ATXN1: variants seen among roughly 807,000 people sequenced by gnomAD.
ATXN1 encodes the protein ataxin-1.
Under a neutral mutation model 56.4 loss-of-function variants are expected in ATXN1, and 8 were observed. The ratio of observed to expected loss-of-function variants is 0.14; its 90% CI spans 0.08 to 0.26. ATXN1 has a LOEUF of 0.26. Among genes scored for constraint, ATXN1 ranks in the 10% least tolerant of loss-of-function variants. The pLI is 1.00. For synonymous variants in ATXN1, 514 were observed against 494.6 expected, an observed-to-expected ratio of 1.04 and a Z score of -0.52; for missense variants, 987 against 1,106.5, an observed-to-expected ratio of 0.89 and a Z score of 1.53.
intron 6 of ATXN1, among the ~76,000 whole-genome samples, chr6:16,475,116 T>A (rs1760300984): frequency 6.6e-6 from 1 of 152,228 alleles, no homozygotes; most frequent in Non-Finnish European, 1.5e-5. Flanking sequence ...CCAAACTCAC[T>A]GTGCCTTTCA....
intron 2 of ATXN1, among the ~76,000 whole-genome samples, chr6:16,740,213 T>C (rs1315313544): frequency 6.6e-6 from 1 of 152,254 alleles, no homozygotes; most frequent in African/African-American, 2.4e-5. Context: ...TTATTGCTTC[T>C]GGCACCAAGA....
chr6:16,463,182 C>T (rs184945222), intron 6 of ATXN1, among the ~76,000 whole-genome samples: 2 of 152,312 alleles, frequency 1.3e-5, no homozygotes, highest in Non-Finnish European at 2.9e-5. Context: ...ATGAAAACAA[C>T]AAACTCACAC....
intron 3 of ATXN1, among the ~76,000 whole-genome samples, chr6:16,598,467 C>T (rs1480039810): frequency 6.6e-6 from 1 of 152,128 alleles, no homozygotes; most frequent in African/African-American, 2.4e-5. Flanking sequence ...TACCACTTTC[C>T]AGCTCTGTCA....
At chr6:16,538,676 T>G (rs1034000879) in intron 4 of ATXN1, among the ~76,000 whole-genome samples, 1 of 146,176 alleles carries the variant, frequency 6.8e-6, no homozygotes, top group Non-Finnish European at 1.5e-5. Context: ...AGTGAGAACA[T>G]GGGGTGTTTG....
At chr6:16,382,731 G>T (rs1279772629) in intron 6 of ATXN1, among the ~76,000 whole-genome samples, 2 of 152,036 alleles carry the variant, frequency 1.3e-5, no homozygotes, top group Non-Finnish European at 2.9e-5. Flanking sequence ...TAGAGCAGGG[G>T]TGTCCAATCT....
chr6:16,339,217 C>A (rs1761189701), intron 6 of ATXN1, among the ~76,000 whole-genome samples: 1 of 152,120 alleles, frequency 6.6e-6, no homozygotes, highest in Non-Finnish European at 1.5e-5. Context: ...CTGGATCCTG[C>A]CAGCCACCAG....
chr6:16,440,039 C>A (rs1173969634), intron 6 of ATXN1, among the ~76,000 whole-genome samples: 2 of 147,036 alleles, frequency 1.4e-5, no homozygotes, highest in Non-Finnish European at 3.0e-5. Flanking sequence ...GGTGCCATTG[C>A]ACTCCAGCCT....
chr6:16,689,521 C>CTTTTTTTTTTTTTTTT (rs11374047), intron 2 of ATXN1, among the ~76,000 whole-genome samples: 2 of 105,206 alleles, frequency 1.9e-5, no homozygotes, highest in Non-Finnish European at 1.9e-5. Context: ...TTTTTTTTTT[C>CTTTTTTTTTTTTTTTT]TTTTTTTTTT....
At chr6:16,442,662 G>A (rs754258289) in intron 6 of ATXN1, among the ~76,000 whole-genome samples, 1 of 152,198 alleles carries the variant, frequency 6.6e-6, no homozygotes, top group Non-Finnish European at 1.5e-5. Context: ...ATAAACAACA[G>A]CTAAGAAAAG....
At chr6:16,422,575 C>T (rs796201224) in intron 6 of ATXN1, among the ~76,000 whole-genome samples, 10 of 152,340 alleles carry the variant, frequency 6.6e-5, no homozygotes, top group African/African-American at 2.4e-4. Flanking sequence ...TCTACCTCCA[C>T]AGTGAAATCT....
chr6:16,744,196 A>G (rs558873373), intron 2 of ATXN1, among the ~76,000 whole-genome samples: 2 of 152,240 alleles, frequency 1.3e-5, no homozygotes, highest in East Asian at 1.9e-4. Context: ...TCCTCAAAAA[A>G]TTCAATCCCT....
At chr6:16,578,531 G>A (rs559700486) in intron 4 of ATXN1, among the ~76,000 whole-genome samples, 1 of 152,304 alleles carries the variant, frequency 6.6e-6, no homozygotes, top group Admixed American at 6.5e-5. Context: ...TTAAACAGAA[G>A]AGTTTTCCTT....
intron 6 of ATXN1, among the ~76,000 whole-genome samples, chr6:16,426,834 T>A (rs146487784): frequency 6.6e-6 from 1 of 150,658 alleles, no homozygotes; most frequent in African/African-American, 2.4e-5. Flanking sequence ...CTTAGATGTA[T>A]CTTGTCCTGT....
chr6:16,481,659 G>C (rs555547387), intron 6 of ATXN1, among the ~76,000 whole-genome samples: 3 of 152,226 alleles, frequency 2.0e-5, no homozygotes, highest in South Asian at 2.1e-4. Context: ...AAGCTTTTGT[G>C]AACTTCCCAT....
At position 16,630,609 on chromosome 6, in the gene ATXN1, A is replaced by T. The variant is rs138143853; in HGVS notation, c.-489+27167T>A. Among the ~76,000 whole-genome samples, 367 of 152,360 alleles carry T rather than the reference A, an allele frequency of 2.4e-3. 3 individuals carry two copies. Among genetic ancestry groups the T allele is most frequent in the African/African-American group, 8.2e-3 (340 of 41,576 alleles). ...CTGTGAATCGGCATCTGAGAAAATAAGCAACAACCTTACCTCCCAAACACC... is the reference window on the plus strand; with the variant it reads ...CTGTGAATCGGCATCTGAGAAAATATGCAACAACCTTACCTCCCAAACACC... On this transcript the variant is annotated intron_variant, in intron 3 of 7. Coordinates refer to ENST00000436367, the MANE Select transcript of ATXN1 (RefSeq NM_001128164.2).
At chr6:16,509,989 C>T (rs542012284) in intron 5 of ATXN1, among the ~76,000 whole-genome samples, 1 of 152,294 alleles carries the variant, frequency 6.6e-6, no homozygotes, top group African/African-American at 2.4e-5. Flanking sequence ...AACTAAAATC[C>T]CATTCCCAAA....
rs1410544664 is a variant in ATXN1, at chr6:16,410,940, C to A, written c.-161+75032G>T. On this transcript the variant is annotated intron_variant, in intron 6 of 7. Coordinates refer to ENST00000436367, the MANE Select transcript of ATXN1 (RefSeq NM_001128164.2). The surrounding 1 kb of genome is among the most constrained non-coding windows in gnomAD (Gnocchi z 4.6). Reference sequence around the variant, plus strand: ...AGGAGTTTGAGACCATCCTGGCCAACATGCTGAAACCACGTCTCTACCAAA... The same window carrying A: ...AGGAGTTTGAGACCATCCTGGCCAAAATGCTGAAACCACGTCTCTACCAAA... Among the ~76,000 whole-genome samples, 1 of 152,058 alleles carries A rather than the reference C, an allele frequency of 6.6e-6. No homozygotes were observed. Among genetic ancestry groups the A allele is most frequent in the Non-Finnish European group, 1.5e-5 (1 of 68,002 alleles).
At chr6:16,345,967 C>T (rs955509793) in intron 6 of ATXN1, among the ~76,000 whole-genome samples, 2 of 152,180 alleles carry the variant, frequency 1.3e-5, no homozygotes, top group Non-Finnish European at 2.9e-5. Flanking sequence ...AAAAAATTGA[C>T]ACTCCCTGGA....
intron 3 of ATXN1, among the ~76,000 whole-genome samples, chr6:16,628,471 G>A (rs1259102015): frequency 4.6e-5 from 7 of 152,202 alleles, no homozygotes; most frequent in Admixed American, 3.9e-4. Flanking sequence ...TATTTCTTAA[G>A]CTTTTATTTT....
Sources: gnomAD v4.1 joint callset for allele counts (sites outside exome capture counted in the v4.1 genomes callset) on GRCh38, gnomAD v4.1.1 for gene constraint, Gnocchi (gnomAD v3.1) non-coding constraint, MANE v1.5 for transcripts, NCBI Gene and HGNC (gene_info 2026-07-23, HGNC 2026-07-21) for gene names.